The following TREH variants were observed in gnomAD, a reference collection of about 807,000 sequenced individuals.
TREH encodes alpha,alpha-trehalose glucohydrolase.
In TREH, 69 loss-of-function variants were observed where a neutral mutation model predicts 80.5. That is an observed-to-expected ratio of 0.86 (90% CI 0.71 to 1.05). The LOEUF (loss-of-function observed/expected upper bound fraction) is 1.05. Among genes scored for constraint, TREH ranks in the 50% least tolerant of loss-of-function variants. The probability of loss-of-function intolerance (pLI) is 0.00; values close to 1 mark genes in which losing one functional copy is unlikely to be tolerated. For synonymous variants in TREH, 309 were observed against 293.5 expected, an observed-to-expected ratio of 1.05 and a Z score of -0.54; for missense variants, 716 against 718.8, an observed-to-expected ratio of 1.00 and a Z score of 0.04.
chr11:118,660,877 G>T lies in TREH; in HGVS notation c.896C>A (p.Thr299Asn). 2 of 1,569,848 alleles carry T rather than the reference G, an allele frequency of 1.3e-6. No homozygotes were observed. Among genetic ancestry groups the T allele is most frequent in the South Asian group, 1.2e-5 (1 of 85,230 alleles). Reference protein sequence around the residue: ...SYSKDVELADTLPEGDREALW... With the variant: ...SYSKDVELADNLPEGDREALW... ...CTCCTGCTGCTCACCTTCTGGCAAG[G>T]TGTCAGCCAACTCCACATCTTTGCT... Residue 299 changes from threonine to asparagine, a missense_variant, in exon 9 of 15, where the codon ACC (threonine) becomes AAC (asparagine). By Grantham distance (65) the Thr-to-Asn change is moderately conservative. Coordinates refer to ENST00000264029, the MANE Select transcript of TREH (RefSeq NM_007180.3).
At chr11:118,676,011 A>C (rs1949475269) in intron 1 of TREH, among the ~76,000 whole-genome samples, 1 of 152,192 alleles carries the variant, frequency 6.6e-6, no homozygotes, top group African/African-American at 2.4e-5. Flanking sequence ...CCTACTTACC[A>C]GGACTTTGAA....
rs1555144189 is a variant in TREH at position 118,659,012 on chromosome 11, C to G, written c.1438G>C (p.Ala480Pro). 1 of 1,613,670 alleles carries G rather than the reference C, an allele frequency of 6.2e-7. No individual in the cohort carries two copies. Among genetic ancestry groups the G allele is most frequent in the African/African-American group, 1.3e-5 (1 of 75,038 alleles). ...TGGGCCCGACGTAAAGGTGCCTTGG[C>G]CAGGCCTAGACCCCATTGCAGGCAG... is the stretch of plus-strand genomic sequence containing the variant. ...PLQDLVIRGL[A>P]KAPLRRAQEV... Residue 480 changes from alanine (A) to proline (P), a missense_variant, in exon 13 of 15, where the codon GCC becomes CCC. Physicochemically the swap from Ala to Pro is conservative, Grantham distance 27. Coordinates refer to ENST00000264029, the MANE Select transcript of TREH (RefSeq NM_007180.3).
chr11:118,673,543 G>A (rs1173642744), intron 1 of TREH, among the ~76,000 whole-genome samples: 2 of 152,226 alleles, frequency 1.3e-5, no homozygotes, highest in Admixed American at 6.5e-5. Flanking sequence ...CTGCTGCCCT[G>A]CAATGTCCAT....
At chr11:118,673,847 AACCTTCCAAACAAT>A (rs1555146563) in intron 1 of TREH, among the ~76,000 whole-genome samples, 2 of 152,228 alleles carry the variant, frequency 1.3e-5, no homozygotes, top group African/African-American at 2.4e-5. Context: ...TCAGAGTAAC[AACCTTCCAAACAAT>A]AGGCTGTTCA....
rs202099078 is a variant in TREH at position 118,672,409 on chromosome 11, G to GA, written c.89+7129dup. The stretch of plus-strand genomic sequence containing the variant: ...TGAGACACTGTCTCAGAAAAAAAAA[G>GA]AAAAAAAAAGTTAATGATCGCTGGG... On this transcript the variant is annotated intron_variant, in intron 1 of 14. Transcript: ENST00000264029. Among the ~76,000 whole-genome samples the GA allele has an allele frequency of 1.1e-3, 159 of 143,626 alleles. 1 individual carries two copies. The highest frequency in any genetic ancestry group is 0.011 in the Admixed American group (152 of 14,436). The allele number at this position is 143,626 out of a possible 152,430, so 94.2% of individuals were successfully genotyped here.
rs781848876 is a variant in TREH at position 118,659,933 on chromosome 11, G to A, written c.1134C>T (p.Ile378=). 17 of 1,551,686 alleles carry A rather than the reference G, an allele frequency of 1.1e-5. No individual in the cohort carries two copies. The highest frequency in any genetic ancestry group is 1.5e-5 in the Non-Finnish European group (17 of 1,147,010). ...GGGCGGCCAAGCGCTGCGACCGCAG[G>A]ATTCTGTACTTCGTGGCCTGGGAGT... ...GNDSQATKYR[I]LRSQRLAALN... is the part of the protein sequence containing the mutation. The change falls in exon 11 of 15, where the codon ATC becomes ATT. Residue 378 remains isoleucine (I), a synonymous_variant. Coordinates refer to ENST00000264029, the MANE Select transcript of TREH (RefSeq NM_007180.3).
chr11:118,665,960 G>A (rs957035392), intron 1 of TREH, among the ~76,000 whole-genome samples: 10 of 152,292 alleles, frequency 6.6e-5, no homozygotes, highest in East Asian at 1.9e-4. Context: ...ATGATAGGCC[G>A]GGCGCGGTGG....
Position 118,661,727 on chromosome 11 carries a change from T to G in TREH, c.527A>C (p.Asp176Ala). 2.5e-6 allele frequency: 4 copies of G among 1,613,550 alleles called. No individual in the cohort carries two copies. Among genetic ancestry groups the G allele is most frequent in the Non-Finnish European group, 3.4e-6 (4 of 1,179,782 alleles). ...GGRFVEFYYW[D>A]SYWVMEGLLL... ...CAGACCCTCCATGACCCAGTAGGAG[T>G]CCCTGGGGAAGGGGCAGCTTAGGCA... is the stretch of plus-strand genomic sequence containing the variant. Residue 176 changes from aspartate (D) to alanine (A), a missense_variant and splice_region_variant, in exon 6 of 15, where the codon GAC (aspartate) becomes GCC (alanine). Physicochemically the swap from Asp to Ala is moderately radical, Grantham distance 126. Coordinates refer to ENST00000264029, the MANE Select transcript of TREH (RefSeq NM_007180.3). The surrounding 1 kb of genome is among the most constrained non-coding windows in gnomAD (Gnocchi z 4.2).
rs1353693029 is a variant in TREH, at chr11:118,674,042, T to C, written c.89+5497A>G. ...TTTTGAATACACTGAGTAACTGCAT[T>C]CCCCCAGGAGCTTGTTCCTGATCCA... On this transcript the variant is annotated intron_variant, in intron 1 of 14. Transcript: ENST00000264029. The surrounding 1 kb of genome is among the most constrained non-coding windows in gnomAD (Gnocchi z 4.4). 1.3e-5 allele frequency among the ~76,000 whole-genome samples: 2 copies of C among 151,596 alleles called. No individual in the cohort carries two copies. Among genetic ancestry groups the C allele is most frequent in the South Asian group, 2.1e-4 (1 of 4,792 alleles).
At chr11:118,672,695 C>T (rs994365102) in intron 1 of TREH, among the ~76,000 whole-genome samples, 3 of 114,024 alleles carry the variant, frequency 2.6e-5, no homozygotes, top group Non-Finnish European at 4.9e-5. Context: ...CCTGGGTTGA[C>T]AGAGCGAGAC....
At chr11:118,675,163 T>C (rs1949466034) in intron 1 of TREH, among the ~76,000 whole-genome samples, 1 of 152,204 alleles carries the variant, frequency 6.6e-6, no homozygotes, top group African/African-American at 2.4e-5. Context: ...TGGGTGACCC[T>C]GTATCCACTC....
intron 1 of TREH, among the ~76,000 whole-genome samples, chr11:118,672,555 C>G (rs149669600): frequency 6.6e-6 from 1 of 151,070 alleles, no homozygotes. Context: ...ACTAAAAATA[C>G]GAAAAATTAG....
rs552401289 is a variant in TREH, at chr11:118,657,390, C to T, written c.*899G>A. ...GGTTACCATAGTGACTGCTTCATTG[C>T]CATGGTTACATACTAATTGCTGCAG... On this transcript the variant is annotated 3_prime_UTR_variant, in exon 15 of 15. Transcript: ENST00000264029. 9.6e-4 allele frequency: 148 copies of T among 153,754 alleles called. 1 individual carries two copies. The highest frequency in any genetic ancestry group is 1.6e-3 in the Non-Finnish European group (111 of 68,748). 9.5% of individuals were successfully genotyped at this position (153,754 alleles called of 1,614,324 possible).
At chr11:118,666,959 C>G (rs947534247) in intron 1 of TREH, among the ~76,000 whole-genome samples, 1 of 151,942 alleles carries the variant, frequency 6.6e-6, no homozygotes, top group African/African-American at 2.4e-5. Context: ...CTCAGCTCAC[C>G]GCAACCTCTG....
At chr11:118,676,346 A>G (rs1555146820) in intron 1 of TREH, among the ~76,000 whole-genome samples, 1 of 152,072 alleles carries the variant, frequency 6.6e-6, no homozygotes, top group African/African-American at 2.4e-5. Context: ...ATGGTGGCAC[A>G]CACCTAGTCC....
intron 1 of TREH, among the ~76,000 whole-genome samples, chr11:118,666,829 T>C (rs1035315010): frequency 6.6e-6 from 1 of 152,244 alleles, no homozygotes; most frequent in Admixed American, 6.5e-5. Flanking sequence ...ACCCTTGTTT[T>C]CGTGGATGAA....
chr11:118,661,890 C>T lies in TREH; in HGVS notation c.524G>A (p.Trp175Ter). 1 of 1,558,698 alleles carries T rather than the reference C, an allele frequency of 6.4e-7. No homozygotes were observed. Residue 175 changes from tryptophan (W) to a stop codon, truncating the protein, a stop_gained and splice_region_variant, in exon 5 of 15, where the codon TGG becomes TAG. Transcript: ENST00000264029. LOFTEE classifies it high-confidence loss of function. This position sits in a 1 kb window ranked among gnomAD's most constrained non-coding sequence, Gnocchi z 4.2. ...PGGRFVEFYY[W>*]DSYWVMEGLL... Reference sequence around the variant, plus strand: ...TGGTCTCTTGGGCCTGGGCGCTCACCAGTAGTAGAACTCAACAAAGCGACC... The same window carrying T: ...TGGTCTCTTGGGCCTGGGCGCTCACTAGTAGTAGAACTCAACAAAGCGACC...
chr11:118,659,588 T>C (rs1949285905), intron 11 of TREH, 107 bp from the exon 12 acceptor site: 1 of 1,360,164 alleles, frequency 7.4e-7, no homozygotes, highest in Non-Finnish European at 9.9e-7. Context: ...TGGCTCTTCT[T>C]TTCTCGGCTC....
At chr11:118,664,147 G>A (rs188573838) in intron 1 of TREH, among the ~76,000 whole-genome samples, 17 of 152,294 alleles carry the variant, frequency 1.1e-4, no homozygotes, top group Non-Finnish European at 1.5e-5. Context: ...GCCAACTTTG[G>A]AAGCACCGAG....
Sources: gnomAD v4.1 joint callset for allele counts (sites outside exome capture counted in the v4.1 genomes callset) on GRCh38, gnomAD v4.1.1 for gene constraint, Gnocchi (gnomAD v3.1) non-coding constraint, MANE v1.5 for transcripts, NCBI Gene and HGNC (gene_info 2026-07-23, HGNC 2026-07-21) for gene names.